The following CKMT2 variants were observed in gnomAD, a reference collection of about 807,000 sequenced individuals.
CKMT2 encodes the protein creatine kinase S-type, mitochondrial.
Under a neutral mutation model 48.9 loss-of-function variants are expected in CKMT2, and 43 were observed. The observed-to-expected ratio is 0.88, with a 90% CI of 0.69 to 1.13. The LOEUF (loss-of-function observed/expected upper bound fraction) is 1.13. CKMT2 is among the 50% of genes most tolerant of loss of function. CKMT2 has a pLI of 0.00. For synonymous variants in CKMT2, 206 were observed against 213.0 expected (o/e 0.97, Z 0.29); for missense variants, 472 against 555.4 (o/e 0.85, Z 1.51).
Position 81,257,698 on chromosome 5 carries a change from A to G in CKMT2, c.756-35A>G, listed in dbSNP as rs548371633. 7.6e-6 allele frequency: 12 copies of G among 1,587,924 alleles called. No homozygotes were observed. The South Asian group carries it at 1.1e-4, about 15-fold the overall frequency. ...ATTTTCATGTGTTGAAACAAATGCA[A>G]TTAACACTCAGTACCATATTTCTCT... On this transcript the variant is annotated intron_variant, in intron 6 of 9. Coordinates refer to ENST00000254035, the MANE Select transcript of CKMT2 (RefSeq NM_001099735.2).
chr5:81,236,475 A>G (rs1756246452), intron 1 of CKMT2, among the ~76,000 whole-genome samples: 1 of 152,192 alleles, frequency 6.6e-6, no homozygotes, highest in Non-Finnish European at 1.5e-5. Context: ...AAAATAAAGC[A>G]TACTTGGCAG....
In CKMT2 at chr5:81,252,784, C is replaced by T; in HGVS notation, c.242C>T (p.Thr81Ile). 6.2e-7 allele frequency: 1 copy of T among 1,614,248 alleles called. No homozygotes were observed. Among genetic ancestry groups the T allele is most frequent in the East Asian group, 2.2e-5 (1 of 44,884 alleles). Residue 81 changes from threonine to isoleucine, a missense_variant, in exon 3 of 10, where the codon ACA (threonine) becomes ATA (isoleucine). By Grantham distance (89) the Thr-to-Ile change is moderately conservative. Transcript: ENST00000254035. ...AIYAKLRNKV[T>I]PNGYTLDQCI... is the part of the protein sequence containing the mutation. ...TATGCCAAGCTTCGCAACAAGGTGACACCCAACGGCTACACGCTGGACCAG... is the reference window on the plus strand; with the variant it reads ...TATGCCAAGCTTCGCAACAAGGTGATACCCAACGGCTACACGCTGGACCAG...
chr5:81,237,437 G>C (rs576587579), intron 1 of CKMT2: 2 of 152,278 alleles, frequency 1.3e-5, no homozygotes, highest in Non-Finnish European at 2.9e-5. Context: ...ACACCTAGCG[G>C]GGCTTGGTAA....
rs112573022 is a variant in CKMT2 at position 81,254,517 on chromosome 5, C to T, written c.447+26C>T. 1.9e-6 allele frequency: 3 copies of T among 1,603,848 alleles called. No homozygotes were observed. In the Admixed American group the frequency reaches 5.0e-5, roughly 27 times the overall value. ...GTAGGCTCCAGCCTCCCTCTCCTTCCCCACGAAGCTGGCACTCCTGAGCCC... is the reference window on the plus strand; with the variant it reads ...GTAGGCTCCAGCCTCCCTCTCCTTCTCCACGAAGCTGGCACTCCTGAGCCC... On this transcript the variant is annotated intron_variant, in intron 4 of 9. Coordinates refer to ENST00000254035, the MANE Select transcript of CKMT2 (RefSeq NM_001099735.2).
intron 6 of CKMT2, 141 bp downstream of exon 6, chr5:81,257,141 A>C (rs1580452593): frequency 6.3e-6 from 3 of 475,088 alleles, no homozygotes; most frequent in Non-Finnish European, 1.1e-5. Context: ...CTACTTGGAA[A>C]GTGTGTGTGT....
At chr5:81,264,587 C>A (rs1157402569) in intron 9 of CKMT2, among the ~76,000 whole-genome samples, 1 of 152,172 alleles carries the variant, frequency 6.6e-6, no homozygotes, top group Non-Finnish European at 1.5e-5. Flanking sequence ...AATACCACAA[C>A]TTCTGAAATT....
At position 81,244,042 on chromosome 5, in the gene CKMT2, A is replaced by G. The variant is rs532509222; in HGVS notation, c.-20-7071A>G. 8.3e-5 allele frequency: 82 copies of G among 985,394 alleles called. No individual in the cohort carries two copies. In the African/African-American group the frequency reaches 1.3e-3, roughly 15 times the overall value. 61.0% of individuals were successfully genotyped at this position (985,394 alleles called of 1,614,324 possible). A position where few individuals can be genotyped will look rare whatever the true frequency, so the allele number is the denominator to read the frequency against. On this transcript the variant is annotated intron_variant, in intron 1 of 9. Transcript: ENST00000254035. ...CATTTGCCTCTTTCCCCAAAAATAGATCAAAGGAAATGTTTCCCTTTGTCC... is the reference window on the plus strand; with the variant it reads ...CATTTGCCTCTTTCCCCAAAAATAGGTCAAAGGAAATGTTTCCCTTTGTCC...
intron 1 of CKMT2, among the ~76,000 whole-genome samples, chr5:81,235,289 G>A (rs1756213037): frequency 6.6e-6 from 1 of 152,154 alleles, no homozygotes; most frequent in African/African-American, 2.4e-5. Flanking sequence ...AAGTGGTTTT[G>A]AGGTAACGCA....
At chr5:81,237,665 T>TC (rs1756288213) in intron 1 of CKMT2, 1 of 152,210 alleles carries the variant, frequency 6.6e-6, no homozygotes, top group Admixed American at 6.5e-5. Flanking sequence ...ATCTGCCTTC[T>TC]CCGAGTCCGT....
At chr5:81,241,850 T>C (rs1295561161) in intron 1 of CKMT2, among the ~76,000 whole-genome samples, 1 of 152,142 alleles carries the variant, frequency 6.6e-6, no homozygotes, top group Non-Finnish European at 1.5e-5. Context: ...CTATATTTTA[T>C]GGAGAGGAAT....
At chr5:81,244,455 T>G (rs986517433) in intron 1 of CKMT2, among the ~76,000 whole-genome samples, 2 of 152,140 alleles carry the variant, frequency 1.3e-5, no homozygotes, top group Non-Finnish European at 2.9e-5. Context: ...CTGCCAGGGA[T>G]TTCCAGAAAG....
chr5:81,262,826 G>A (rs1233744383), intron 8 of CKMT2, among the ~76,000 whole-genome samples: 1 of 152,182 alleles, frequency 6.6e-6, no homozygotes, highest in Non-Finnish European at 1.5e-5. Context: ...TCCCATTACT[G>A]GGTATATACC....
intron 1 of CKMT2, among the ~76,000 whole-genome samples, chr5:81,249,446 T>A (rs1042145876): frequency 6.6e-6 from 1 of 152,156 alleles, no homozygotes; most frequent in Non-Finnish European, 1.5e-5. Context: ...ACTCTTTTGT[T>A]CTCTACTCAA....
chr5:81,235,377 CAG>C (rs1230481551), intron 1 of CKMT2, among the ~76,000 whole-genome samples: 2 of 152,182 alleles, frequency 1.3e-5, no homozygotes, highest in East Asian at 1.9e-4. Context: ...AGAATTTGTT[CAG>C]AGTGTTCTGT....
chr5:81,254,614 C>A (rs1020888464), intron 4 of CKMT2, 123 bp downstream of exon 4: 5 of 777,122 alleles, frequency 6.4e-6, no homozygotes, highest in East Asian at 5.2e-5. Flanking sequence ...TGTGACTGCC[C>A]TGGCACAGCC....
At chr5:81,265,342 T>G (rs975770217) in intron 9 of CKMT2, among the ~76,000 whole-genome samples, 33 of 152,294 alleles carry the variant, frequency 2.2e-4, no homozygotes, top group African/African-American at 7.7e-4. Context: ...TATAAAGAGA[T>G]AGATAGGGAG....
chr5:81,240,040 C>G (rs930601427), intron 1 of CKMT2, among the ~76,000 whole-genome samples: 1 of 152,088 alleles, frequency 6.6e-6, no homozygotes, highest in Non-Finnish European at 1.5e-5. Context: ...CTCCTCACCC[C>G]CTCTTTCCCC....
chr5:81,259,359 T>C (rs1450730091), intron 8 of CKMT2, 105 bp downstream of exon 8: 1 of 1,005,048 alleles, frequency 9.9e-7, no homozygotes, highest in African/African-American at 1.7e-5. Context: ...CCTTACTTTC[T>C]CTATCTACAA....
chr5:81,239,262 A>G (rs1299910796), intron 1 of CKMT2: 1 of 152,198 alleles, frequency 6.6e-6, no homozygotes, highest in Non-Finnish European at 1.5e-5. Context: ...TCAACTCTCC[A>G]AATTTCAGGG....
Sources: allele counts gnomAD v4.1 joint callset (sites outside exome capture counted in the v4.1 genomes callset), GRCh38; gene constraint gnomAD v4.1.1; transcripts MANE v1.5; gene names NCBI Gene and HGNC (gene_info 2026-07-23, HGNC 2026-07-21).